The following SEC14L2 variants were observed in gnomAD, a reference collection of about 807,000 sequenced individuals.
SEC14L2 encodes SEC14-like protein 2.
In SEC14L2, 50 loss-of-function variants were observed where a neutral mutation model predicts 56.9. The observed-to-expected ratio is 0.88, with a 90% confidence interval of 0.70 to 1.11. SEC14L2 has a LOEUF of 1.11. SEC14L2 is among the 50% of genes most tolerant of loss of function. The probability of loss-of-function intolerance (pLI) is 0.00; values close to 1 mark genes in which losing one functional copy is unlikely to be tolerated. For synonymous variants in SEC14L2, 179 were observed against 188.5 expected (o/e 0.95, Z 0.41); for missense variants, 414 against 500.7 (o/e 0.83, Z 1.65).
chr22:30,407,075 TCC>T lies in SEC14L2; in HGVS notation c.175-17_175-16del, dbSNP rs1401115805. 1 of 1,613,200 alleles carries T rather than the reference TCC, an allele frequency of 6.2e-7. No homozygotes were observed. The highest frequency in any genetic ancestry group is 8.5e-7 in the Non-Finnish European group (1 of 1,179,488). ...CTGTCCATCCCTCCTTTTAAAAATTTCCCCATTGTATCTTTGTAGCATGTGGA... is the reference window on the plus strand; with the variant it reads ...CTGTCCATCCCTCCTTTTAAAAATTTCCATTGTATCTTTGTAGCATGTGGA... On this transcript the variant is annotated intron_variant, in intron 3 of 11. Coordinates refer to ENST00000615189, the MANE Select transcript of SEC14L2 (RefSeq NM_012429.5).
intron 2 of SEC14L2, among the ~76,000 whole-genome samples, chr22:30,402,107 C>T (rs1933954586): frequency 6.6e-6 from 1 of 152,148 alleles, no homozygotes; most frequent in Non-Finnish European, 1.5e-5. Flanking sequence ...TACCATCCCC[C>T]TACCCCAGTC....
At chr22:30,417,875 T>G (rs1348069147) in intron 11 of SEC14L2, among the ~76,000 whole-genome samples, 1 of 151,868 alleles carries the variant, frequency 6.6e-6, no homozygotes, top group African/African-American at 2.4e-5. Context: ...CAGGCACCCT[T>G]CATCTCCACT....
At chr22:30,420,204 C>T (rs1253617432) in intron 11 of SEC14L2, among the ~76,000 whole-genome samples, 2 of 152,204 alleles carry the variant, frequency 1.3e-5, no homozygotes, top group African/African-American at 4.8e-5. Flanking sequence ...CCACCCGCCT[C>T]AGCCTCCCAA....
chr22:30,417,018 C>T (rs1291241371), intron 11 of SEC14L2: 1 of 258,826 alleles, frequency 3.9e-6, no homozygotes, highest in Non-Finnish European at 6.1e-6. Context: ...CACAAATACT[C>T]AAAGATACAG....
intron 2 of SEC14L2, among the ~76,000 whole-genome samples, chr22:30,401,505 TTTATTTTTA>T (rs1190287836): frequency 1.3e-5 from 2 of 150,732 alleles, no homozygotes; most frequent in Non-Finnish European, 3.0e-5. Context: ...ATTTTATATT[TTTATTTTTA>T]TTATTTTTAT....
chr22:30,406,531 T>C (rs542679953), intron 3 of SEC14L2, 146 bp downstream of exon 3: 66 of 727,398 alleles, frequency 9.1e-5, no homozygotes, highest in East Asian at 1.1e-4. Flanking sequence ...CTGGGACAAA[T>C]TGCATTCCCT....
chr22:30,417,886 G>T (rs377009862), intron 11 of SEC14L2, among the ~76,000 whole-genome samples: 16 of 151,930 alleles, frequency 1.1e-4, no homozygotes, highest in African/African-American at 3.9e-4. Flanking sequence ...CATCTCCACT[G>T]CCCCCTCCTC....
chr22:30,403,012 A>G (rs2146011180), intron 2 of SEC14L2, among the ~76,000 whole-genome samples: 1 of 152,284 alleles, frequency 6.6e-6, no homozygotes, highest in African/African-American at 2.4e-5. Context: ...CAGTAGTTTG[A>G]GACTATAGTG....
chr22:30,415,229 C>T (rs561181517), intron 8 of SEC14L2, among the ~76,000 whole-genome samples: 1 of 152,204 alleles, frequency 6.6e-6, no homozygotes, highest in Admixed American at 6.5e-5. Flanking sequence ...GTCAGGAGTT[C>T]GAGACCAGCC....
At chr22:30,413,611 T>C (rs1022503132) in intron 8 of SEC14L2, among the ~76,000 whole-genome samples, 26 of 152,132 alleles carry the variant, frequency 1.7e-4, no homozygotes, top group African/African-American at 5.6e-4. Flanking sequence ...ATGCCACCTA[T>C]GGCACTGAAC....
In SEC14L2 at chr22:30,410,059, G is replaced by A. The variant is rs775300702; in HGVS notation, c.581-537G>A. On this transcript the variant is annotated intron_variant, in intron 7 of 11. Coordinates refer to ENST00000615189, the MANE Select transcript of SEC14L2 (RefSeq NM_012429.5). ...CTAAAAATATGGAAATTAGCTGGGCGTGGTGGCCCACACCTGTAGTCCCAG... is the reference window on the plus strand; with the variant it reads ...CTAAAAATATGGAAATTAGCTGGGCATGGTGGCCCACACCTGTAGTCCCAG... Among the ~76,000 whole-genome samples the A allele has an allele frequency of 4.6e-5, 7 of 152,164 alleles. No individual in the cohort carries two copies. In the South Asian group the frequency reaches 6.2e-4, roughly 14 times the overall value.
At chr22:30,409,630 G>C in intron 7 of SEC14L2, 144 bp downstream of exon 7, 2 of 816,882 alleles carry the variant, frequency 2.4e-6, no homozygotes, top group South Asian at 2.9e-5. Context: ...TAGTGTGCTG[G>C]CTCACGCCTG....
intron 5 of SEC14L2, 108 bp downstream of exon 5, chr22:30,407,711 G>T: frequency 7.0e-6 from 6 of 858,240 alleles, no homozygotes; most frequent in Non-Finnish European, 9.7e-6. Context: ...CCAAGGCCCA[G>T]CCTTTTTTTT....
At chr22:30,404,143 C>A (rs192222537) in intron 2 of SEC14L2, among the ~76,000 whole-genome samples, 1 of 151,270 alleles carries the variant, frequency 6.6e-6, no homozygotes, top group Non-Finnish European at 1.5e-5. Context: ...TGCCTTGCAT[C>A]TTCCAAGTGT....
chr22:30,416,398 G>A lies in SEC14L2; in HGVS notation c.1076G>A (p.Gly359Asp), dbSNP rs191341134. 3.5e-5 allele frequency: 57 copies of A among 1,614,220 alleles called. No homozygotes were observed. Among genetic ancestry groups the A allele is most frequent in the Admixed American group, 2.2e-4 (13 of 60,014 alleles). The change falls in exon 11 of 12, where the codon GGC (glycine) becomes GAC (aspartate). Residue 359 changes from glycine (G) to aspartate (D), a missense_variant. By Grantham distance (94) the Gly-to-Asp change is moderately conservative. Coordinates refer to ENST00000615189, the MANE Select transcript of SEC14L2 (RefSeq NM_012429.5). ...EDGTLTCSDP[G>D]IYVLRFDNTY... is the part of the protein sequence containing the mutation. ...GGGACCCTCACCTGCAGTGATCCTG[G>A]CATCTGTAAGTATCTCTGCCTTGGC...
intron 11 of SEC14L2, chr22:30,420,412 C>G (rs1010053218): frequency 6.6e-6 from 1 of 152,248 alleles, no homozygotes; most frequent in African/African-American, 2.4e-5. Context: ...TCCCTCTGGC[C>G]TGTGGTTCTC....
At position 30,424,510 on chromosome 22, in the gene SEC14L2, ATTCT is replaced by A. The variant is rs1335858043; in HGVS notation, c.*2105_*2108del. On this transcript the variant is annotated 3_prime_UTR_variant, in exon 12 of 12. Transcript: ENST00000615189. ...CTACCTTTGATGAAAATAAGAGCTA[ATTCT>A]TAATAAGGCCTACCGGGTATCACGC... 2.9e-6 allele frequency: 1 copy of A among 343,864 alleles called. No homozygotes were observed. Among genetic ancestry groups the A allele is most frequent in the East Asian group, 7.7e-5 (1 of 13,008 alleles). The allele number at this position is 343,864 out of a possible 1,614,324, so 21.3% of individuals were successfully genotyped here.
In SEC14L2 at chr22:30,409,168, T is replaced by G; in HGVS notation, c.424-19T>G. 1.9e-6 allele frequency: 3 copies of G among 1,609,932 alleles called. No individual in the cohort carries two copies. The Admixed American group carries it at 5.0e-5, about 27-fold the overall frequency. On this transcript the variant is annotated intron_variant, in intron 5 of 11. Transcript: ENST00000615189. The stretch of plus-strand genomic sequence containing the variant: ...AGTAGGACAGCCTGACAAGACTTCC[T>G]GCTCTCTGTTCCCTGCAGTTGGGGA...
chr22:30,419,605 C>T (rs1934465023), intron 11 of SEC14L2, among the ~76,000 whole-genome samples: 1 of 152,094 alleles, frequency 6.6e-6, no homozygotes, highest in Non-Finnish European at 1.5e-5. Context: ...TGGGGTCCCC[C>T]GGAGCAGTGG....
Sources: allele counts gnomAD v4.1 joint callset (sites outside exome capture counted in the v4.1 genomes callset), GRCh38; gene constraint gnomAD v4.1.1; transcripts MANE v1.5; gene names NCBI Gene and HGNC (gene_info 2026-07-23, HGNC 2026-07-21).